TTN: variants seen among roughly 807,000 people sequenced by gnomAD.
TTN encodes the protein connectin.
A neutral mutation model predicts 3,223.0 loss-of-function variants in TTN; 1,525 were observed. The ratio of observed to expected loss-of-function variants is 0.47; its 90% CI spans 0.45 to 0.49. The LOEUF is 0.49. TTN is among the 20% of genes least tolerant of loss of function. TTN has a pLI of 0.00. For synonymous variants in TTN, 14,094 were observed against 15,161.0 expected (o/e 0.93, Z 5.17); for missense variants, 40,786 against 43,424.0 (o/e 0.94, Z 5.40).
At chr2:178,632,016 T>C (rs1160056517) in intron 236 of TTN, 131 bp downstream of exon 236, 3 of 931,180 alleles carry the variant, frequency 3.2e-6, no homozygotes, top group Admixed American at 3.3e-5. Flanking sequence ...TGATTACATA[T>C]GTGATAGCTT....
Position 178,552,835 on chromosome 2 carries a change from G to A in TTN, c.90065C>T (p.Thr30022Ile), listed in dbSNP as rs771515515. The A allele has an allele frequency of 1.2e-6, 2 of 1,613,716 alleles. No homozygotes were observed. The highest frequency in any genetic ancestry group is 1.7e-6 in the Non-Finnish European group (2 of 1,179,800). Residue 30022 changes from threonine (T) to isoleucine (I), a missense_variant, in exon 335 of 363, where the codon ACA becomes ATA. Physicochemically the swap from Thr to Ile is moderately conservative, Grantham distance 89. Coordinates refer to ENST00000589042, the MANE Select transcript of TTN (RefSeq NM_001267550.2). ...EIGIGEPCETTEPVKAAEVPA... is the reference protein window; with the variant it reads ...EIGIGEPCETIEPVKAAEVPA... ...TACTTCAGCAGCCTTCACTGGCTCT[G>A]TAGTTTCACAGGGTTCCCCAATTCC...
Position 178,602,441 on chromosome 2 carries a change from T to C in TTN, c.54961A>G (p.Arg18321Gly). The change falls in exon 283 of 363, where the codon AGA (arginine) becomes GGA (glycine). Residue 18321 changes from arginine to glycine, a missense_variant. Arg to Gly is a moderately radical substitution (Grantham distance 125). Coordinates refer to ENST00000589042, the MANE Select transcript of TTN (RefSeq NM_001267550.2). Reference sequence around the variant, plus strand: ...ATAAGTTTGTCTGGTTCATTTACTCTTTTCCAGTCAGTAGTACCTTCTTCT... The same window carrying C: ...ATAAGTTTGTCTGGTTCATTTACTCCTTTCCAGTCAGTAGTACCTTCTTCT... ...MQEEGTTDWK[R>G]VNEPDKLITT... The C allele has an allele frequency of 6.2e-7, 1 of 1,612,604 alleles. No individual in the cohort carries two copies. Among genetic ancestry groups the C allele is most frequent in the Non-Finnish European group, 8.5e-7 (1 of 1,179,178 alleles).
chr2:178,702,774 A>G (rs2075230735), intron 106 of TTN, 111 bp from the exon 107 acceptor site: 13 of 1,162,596 alleles, frequency 1.1e-5, no homozygotes, highest in Non-Finnish European at 1.5e-5. Context: ...GTTATAAAAT[A>G]GCAAGAAAAG....
At chr2:178,668,432 T>TA (rs1016507686) in intron 159 of TTN, among the ~76,000 whole-genome samples, 1 of 151,558 alleles carries the variant, frequency 6.6e-6, no homozygotes, top group Non-Finnish European at 1.5e-5. Context: ...TTTTTTAGAT[T>TA]AAAAAAAATG....
chr2:178,745,353 A>G, intron 47 of TTN: 2 of 1,383,358 alleles, frequency 1.4e-6, no homozygotes, highest in South Asian at 3.2e-5. Flanking sequence ...TGTGTTTGAT[A>G]TTACACAGCA....
At chr2:178,746,592 C>T (rs769819882) in intron 47 of TTN, 2 of 1,613,076 alleles carry the variant, frequency 1.2e-6, no homozygotes, top group Admixed American at 3.3e-5. Context: ...ATTATGTCTA[C>T]ATTTGCAAAG....
intron 15 of TTN, among the ~76,000 whole-genome samples, chr2:178,784,573 T>TA (rs1028373234): frequency 8.5e-5 from 13 of 152,242 alleles, no homozygotes; most frequent in Admixed American, 5.9e-4. Flanking sequence ...ATATCTTTTT[T>TA]AAAGAGTTGT....
intron 209 of TTN, 121 bp from the exon 210 acceptor site, chr2:178,650,392 T>C: frequency 2.1e-6 from 2 of 975,538 alleles, no homozygotes; most frequent in Non-Finnish European, 3.0e-6. Flanking sequence ...TACCTTCTCT[T>C]ATTTTTGTTT....
Position 178,539,233 on chromosome 2 carries a change from C to A in TTN, c.98702G>T (p.Ser32901Ile). 1.9e-6 allele frequency: 3 copies of A among 1,613,402 alleles called. No homozygotes were observed. Among genetic ancestry groups the A allele is most frequent in the Non-Finnish European group, 2.5e-6 (3 of 1,179,486 alleles). The change falls in exon 353 of 363, where the codon AGC becomes ATC. Residue 32901 changes from serine to isoleucine, a missense_variant. Ser to Ile is a moderately radical substitution (Grantham distance 142). Coordinates refer to ENST00000589042, the MANE Select transcript of TTN (RefSeq NM_001267550.2). ...KTPLNPPEPP[S>I]NPPEVLDVTK... ...TACATCGAGTACTTCTGGAGGATTG[C>A]TTGGAGGTTCTGGAGGATCTGTAAA...
rs928476699 is a variant in TTN at position 178,652,476 on chromosome 2, C to A, written c.39109G>T (p.Glu13037Ter). Residue 13037 changes from glutamate to a stop codon, truncating the protein, a stop_gained, in exon 202 of 363, where the codon GAA (glutamate) becomes TAA (stop). Transcript: ENST00000589042. LOFTEE classifies it high-confidence loss of function. ...KVPAAPPKKP[E>*]VTPVKVPEAP... is the part of the protein sequence containing the mutation. Reference sequence around the variant, plus strand: ...CAAATACCTTTAACAGGTGTGACTTCAGGCTTTTTAGGAGGAGCCGCTGGC... The same window carrying A: ...CAAATACCTTTAACAGGTGTGACTTAAGGCTTTTTAGGAGGAGCCGCTGGC... 2 of 1,613,600 alleles carry A rather than the reference C, an allele frequency of 1.2e-6. No individual in the cohort carries two copies. The highest frequency in any genetic ancestry group is 1.7e-5 in the Admixed American group (1 of 59,978).
In TTN at chr2:178,739,543, C is replaced by T. The variant is rs746672079; in HGVS notation, c.13690G>A (p.Glu4564Lys). 9.3e-6 allele frequency: 15 copies of T among 1,613,676 alleles called. No homozygotes were observed. The highest frequency in any genetic ancestry group is 6.7e-5 in the East Asian group (3 of 44,848). The part of the protein sequence containing the change: ...KGVASAVVSD[E>K]KQDESLKPSE... ...GGTTTCAGACTCTCATCTTGTTTTT[C>T]GTCAGAGACAACAGCTGAAGCAACC... Residue 4564 changes from glutamate (E) to lysine (K), a missense_variant, in exon 48 of 363, where the codon GAA becomes AAA. Physicochemically the swap from Glu to Lys is moderately conservative, Grantham distance 56. Transcript: ENST00000589042.
At position 178,564,057 on chromosome 2, in the gene TTN, A is replaced by G. The variant is rs1704715651; in HGVS notation, c.82075T>C (p.Ser27359Pro). Residue 27359 changes from serine to proline, a missense_variant, in exon 326 of 363, where the codon TCT becomes CCT. Coordinates refer to ENST00000589042, the MANE Select transcript of TTN (RefSeq NM_001267550.2). Reference protein sequence around the residue: ...LKLSNVGGTKSIPITVKVLDR... With the variant: ...LKLSNVGGTKPIPITVKVLDR... ...AGTACCTTTACAGTGATGGGTATAG[A>G]CTTTGTACCACCAACATTGCTGAGT... 6.2e-7 allele frequency: 1 copy of G among 1,613,542 alleles called. No individual in the cohort carries two copies. The highest frequency in any genetic ancestry group is 1.3e-5 in the African/African-American group (1 of 74,886).
Position 178,624,509 on chromosome 2 carries a change from C to T in TTN, c.44771G>A (p.Cys14924Tyr). 6.2e-7 allele frequency: 1 copy of T among 1,612,694 alleles called. No individual in the cohort carries two copies. The highest frequency in any genetic ancestry group is 8.5e-7 in the Non-Finnish European group (1 of 1,179,112). ...CTPEDIKTYT[C>Y]DAKDFKTSCN... ...GGAAGTCTTAAAATCCTTAGCATCA[C>T]AAGTGTATGTTTTAATATCCTCTGG... The change falls in exon 242 of 363, where the codon TGT (cysteine) becomes TAT (tyrosine). Residue 14924 changes from cysteine to tyrosine, a missense_variant. Transcript: ENST00000589042.
rs727504206 is a variant in TTN, at chr2:178,728,768, T to C, written c.19158A>G (p.Gln6386=). 8 of 1,599,554 alleles carry C rather than the reference T, an allele frequency of 5.0e-6. No homozygotes were observed. In the Admixed American group the frequency reaches 1.3e-4, roughly 27 times the overall value. The change falls in exon 66 of 363, where the codon CAA becomes CAG. Residue 6386 remains glutamine (Q), a synonymous_variant. Transcript: ENST00000589042. ...YAFLLVQEPA[Q]IVEKAKSVDV... The stretch of plus-strand genomic sequence containing the variant: ...CAACTGATTTAGCTTTCTCTACGAT[T>C]TGAGCTGGTTCTGTAGTAAAAATGA...
In TTN at chr2:178,540,458, A is replaced by C. The variant is rs894233571; in HGVS notation, c.97796-88T>G. 11 of 1,113,790 alleles carry C rather than the reference A, an allele frequency of 9.9e-6. No homozygotes were observed. In the African/African-American group the frequency reaches 1.7e-4, roughly 18 times the overall value. 69.0% of individuals were successfully genotyped at this position (1,113,790 alleles called of 1,614,324 possible). ...ACCTAACAAATTCAATGAGTTGTTG[A>C]AACGGACTGTTAACATTAGCCTGTT... On this transcript the variant is annotated intron_variant, in intron 350 of 362. Coordinates refer to ENST00000589042, the MANE Select transcript of TTN (RefSeq NM_001267550.2).
chr2:178,646,445 G>T (rs1165288715), intron 216 of TTN, 40 bp downstream of exon 216: 2 of 1,330,254 alleles, frequency 1.5e-6, no homozygotes, highest in Middle Eastern at 1.8e-4. Flanking sequence ...TCAAGAGAAA[G>T]AATATGATAA....
At chr2:178,594,727 C>T (rs1291376757) in intron 295 of TTN, 81 bp from the exon 296 acceptor site, 1 of 1,163,684 alleles carries the variant, frequency 8.6e-7, no homozygotes, top group Non-Finnish European at 1.2e-6. Context: ...TATTCCTTTT[C>T]TGAAGATTGC....
intron 213 of TTN, among the ~76,000 whole-genome samples, chr2:178,648,706 G>C (rs1374575799): frequency 6.6e-6 from 1 of 152,072 alleles, no homozygotes; most frequent in Non-Finnish European, 1.5e-5. Flanking sequence ...CACCACATCC[G>C]GCCTTATTTC....
chr2:178,674,516 C>T, intron 150 of TTN, 107 bp from the exon 151 acceptor site: 1 of 577,414 alleles, frequency 1.7e-6, no homozygotes, highest in Non-Finnish European at 2.8e-6. Context: ...CTTGTGTAAA[C>T]TCACTAGTCC....
Sources: allele counts gnomAD v4.1 joint callset (sites outside exome capture counted in the v4.1 genomes callset), GRCh38; gene constraint gnomAD v4.1.1; transcripts MANE v1.5; gene names NCBI Gene and HGNC (gene_info 2026-07-23, HGNC 2026-07-21).